PODXL: variants seen among roughly 807,000 people sequenced by gnomAD.
PODXL encodes podocalyxin like, also known as podocalyxin.
PODXL carries 20 observed loss-of-function variants against 48.9 expected under a neutral mutation model. The observed-to-expected ratio is 0.41, with a 90% CI of 0.29 to 0.59. The LOEUF is 0.59. PODXL is among the 20% of genes least tolerant of loss of function. PODXL has a pLI of 0.31. For synonymous variants in PODXL, 295 were observed against 287.4 expected (o/e 1.03, Z -0.27); for missense variants, 606 against 675.1 (o/e 0.90, Z 1.13).
At chr7:131,531,630 G>C (rs1798281607) in intron 1 of PODXL, among the ~76,000 whole-genome samples, 1 of 152,208 alleles carries the variant, frequency 6.6e-6, no homozygotes, top group South Asian at 2.1e-4. Context: ...GTGTGCTTCT[G>C]ACACTCCCTG....
At position 131,524,377 on chromosome 7, in the gene PODXL, C is replaced by CAGAG. The variant is rs1451998492; in HGVS notation, c.101-12945_101-12944insCTCT. ...ACACACACACGCACACACACACACA[C>CAGAG]ACAGAGAGAGAGAGAGAGAGAGAGA... On this transcript the variant is annotated intron_variant, in intron 1 of 8. Transcript: ENST00000378555. 7.5e-3 allele frequency among the ~76,000 whole-genome samples: 180 copies of CAGAG among 24,062 alleles called. 1 individual carries two copies. Among genetic ancestry groups the CAGAG allele is most frequent in the African/African-American group, 0.021 (171 of 7,998 alleles). 15.8% of individuals were successfully genotyped at this position (24,062 alleles called of 152,430 possible).
Position 131,506,653 on chromosome 7 carries a change from T to C in PODXL, c.1175A>G (p.Gln392Arg), listed in dbSNP as rs1797808357. ...TGCCAGCCGTATGCCGCACTTATCT[T>C]GGGCCGGGTTGAAGGTGGCTTTGAC... Reference protein sequence around the residue: ...RAVKATFNPAQDKCGIRLASV... With the variant: ...RAVKATFNPARDKCGIRLASV... Residue 392 changes from glutamine to arginine, a missense_variant, in exon 6 of 9, where the codon CAA becomes CGA. Gln to Arg is a conservative substitution (Grantham distance 43). Transcript: ENST00000378555. 7 of 1,614,204 alleles carry C rather than the reference T, an allele frequency of 4.3e-6. No individual in the cohort carries two copies. Among genetic ancestry groups the C allele is most frequent in the Non-Finnish European group, 5.9e-6 (7 of 1,180,018 alleles).
Position 131,503,782 on chromosome 7 carries a change from C to G in PODXL, c.*529G>C. 6.3e-6 allele frequency: 1 copy of G among 159,572 alleles called. No individual in the cohort carries two copies. Among genetic ancestry groups the G allele is most frequent in the Non-Finnish European group, 1.4e-5 (1 of 72,970 alleles). 9.9% of individuals were successfully genotyped at this position (159,572 alleles called of 1,614,324 possible). On this transcript the variant is annotated 3_prime_UTR_variant, in exon 9 of 9. Coordinates refer to ENST00000378555, the MANE Select transcript of PODXL (RefSeq NM_001018111.3). ...AAGGAAAACTTGGGAGCTGGACTTT[C>G]AGGTCGTCAGATCCCACCGAGCCAG...
At chr7:131,531,861 C>T (rs559976068) in intron 1 of PODXL, among the ~76,000 whole-genome samples, 2 of 152,102 alleles carry the variant, frequency 1.3e-5, no homozygotes, top group African/African-American at 2.4e-5. Context: ...CCTGTAATCC[C>T]GCACTTTGGG....
chr7:131,527,980 C>T (rs531821226), intron 1 of PODXL, among the ~76,000 whole-genome samples: 135 of 150,652 alleles, frequency 9.0e-4, no homozygotes, highest in African/African-American at 3.1e-3. Flanking sequence ...CTCAGCTCAC[C>T]GCAACCTCTC....
At chr7:131,505,683 C>G (rs1797785417) in intron 8 of PODXL, among the ~76,000 whole-genome samples, 185 bp downstream of exon 8, 1 of 152,212 alleles carries the variant, frequency 6.6e-6, no homozygotes. Context: ...ACGCTCTGTC[C>G]TCTGCCACGC....
At chr7:131,526,029 G>A (rs536147088) in intron 1 of PODXL, among the ~76,000 whole-genome samples, 4 of 152,150 alleles carry the variant, frequency 2.6e-5, no homozygotes, top group Non-Finnish European at 4.4e-5. Flanking sequence ...AGAGCATCTG[G>A]AAGCAGTGAC....
At chr7:131,538,193 C>A (rs1260048244) in intron 1 of PODXL, among the ~76,000 whole-genome samples, 1 of 152,062 alleles carries the variant, frequency 6.6e-6, no homozygotes, top group South Asian at 2.1e-4. Flanking sequence ...GAGGATGACC[C>A]CCCTACCCCC....
chr7:131,533,534 G>A (rs1297787351), intron 1 of PODXL, among the ~76,000 whole-genome samples: 1 of 152,200 alleles, frequency 6.6e-6, no homozygotes, highest in Non-Finnish European at 1.5e-5. Context: ...GCGTGGAGAT[G>A]TCCCAGCGAT....
In PODXL at chr7:131,506,163, C is replaced by T. The variant is rs549758122; in HGVS notation, c.1311+97G>A. The T allele has an allele frequency of 6.0e-5, 93 of 1,547,598 alleles. No individual in the cohort carries two copies. In the South Asian group the frequency reaches 8.3e-4, roughly 14 times the overall value. ...CGCCGCCCTCTTCTACATGCAGGCA[C>T]ATGACGGGGTTCCTCCCCACAGAGA... On this transcript the variant is annotated intron_variant, in intron 7 of 8. Coordinates refer to ENST00000378555, the MANE Select transcript of PODXL (RefSeq NM_001018111.3).
chr7:131,524,379 C>CACACACACAGAGAGAGAGAG (rs746255906), intron 1 of PODXL, among the ~76,000 whole-genome samples: 12 of 104,108 alleles, frequency 1.2e-4, no homozygotes, highest in African/African-American at 3.1e-4. Flanking sequence ...CACACACACA[C>CACACACACAGAGAGAGAGAG]AGAGAGAGAG....
Position 131,510,980 on chromosome 7 carries a change from C to A in PODXL, c.554G>T (p.Ser185Ile), listed in dbSNP as rs1797902547. The change falls in exon 2 of 9, where the codon AGT (serine) becomes ATT (isoleucine). Residue 185 changes from serine to isoleucine, a missense_variant. Ser to Ile is a moderately radical substitution (Grantham distance 142). Coordinates refer to ENST00000378555, the MANE Select transcript of PODXL (RefSeq NM_001018111.3). ...AGTGGGTTGTCGGGGGCTAAGTGGA[C>A]TTGTAGGGTGAGGGGTCGTCAGATG... Reference protein sequence around the residue: ...AEHLTTPHPTSPLSPRQPTST... With the variant: ...AEHLTTPHPTIPLSPRQPTST... 1.2e-6 allele frequency: 2 copies of A among 1,613,946 alleles called. No homozygotes were observed. Among genetic ancestry groups the A allele is most frequent in the East Asian group, 4.5e-5 (2 of 44,882 alleles).
At position 131,518,976 on chromosome 7, in the gene PODXL, C is replaced by T. The variant is rs144646161; in HGVS notation, c.101-7543G>A. On this transcript the variant is annotated intron_variant, in intron 1 of 8. Transcript: ENST00000378555. ...AGACCTATCCCTGTGGGTCCCTCCACAGGCCTGCCTAACCTTCCAGGTCAC... is the reference window on the plus strand; with the variant it reads ...AGACCTATCCCTGTGGGTCCCTCCATAGGCCTGCCTAACCTTCCAGGTCAC... Among the ~76,000 whole-genome samples the T allele has an allele frequency of 6.4e-3, 982 of 152,328 alleles. 14 individuals carry two copies. The highest frequency in any genetic ancestry group is 0.022 in the African/African-American group (920 of 41,572).
intron 1 of PODXL, among the ~76,000 whole-genome samples, chr7:131,518,157 T>C (rs1798032259): frequency 6.6e-6 from 1 of 152,178 alleles, no homozygotes; most frequent in African/African-American, 2.4e-5. Context: ...TAGGGTCACC[T>C]GCACAGGTAC....
rs949195673 is a variant in PODXL, at chr7:131,511,206, C to T, written c.328G>A (p.Gly110Arg). Reference sequence around the variant, plus strand: ...GTAGTAGGGTTGCCTGAGCCGCCTCCTCTAGCCACGGTAGTGTTGACTGGG... The same window carrying T: ...GTAGTAGGGTTGCCTGAGCCGCCTCTTCTAGCCACGGTAGTGTTGACTGGG... The part of the protein sequence containing the change: ...SGPVNTTVAR[G>R]GGSGNPTTTI... The change falls in exon 2 of 9, where the codon GGA (glycine) becomes AGA (arginine). Residue 110 changes from glycine to arginine, a missense_variant. Physicochemically the swap from Gly to Arg is moderately radical, Grantham distance 125 (BLOSUM62 -2). Transcript: ENST00000378555. 2.5e-6 allele frequency: 4 copies of T among 1,613,930 alleles called. No homozygotes were observed. In the Admixed American group the frequency reaches 6.7e-5, roughly 27 times the overall value.
intron 1 of PODXL, among the ~76,000 whole-genome samples, chr7:131,526,805 G>A (rs763305446): frequency 7.1e-6 from 1 of 141,398 alleles, no homozygotes; most frequent in African/African-American, 2.7e-5. Flanking sequence ...GCGCGATCTC[G>A]GCTCACTATA....
chr7:131,508,963 T>C lies in PODXL; in HGVS notation c.1089A>G (p.Gly363=), dbSNP rs1428186068. 1.2e-6 allele frequency: 2 copies of C among 1,613,278 alleles called. No homozygotes were observed. The highest frequency in any genetic ancestry group is 8.5e-7 in the Non-Finnish European group (1 of 1,179,180). ...SEKQLVLNLT[G]NTLCAGGASD... ...GCAAGCTACTCACACAGAGGGTGTT[T>C]CCTGTGAGGTTCAGGACGAGCTGCT... Residue 363 remains glycine, a synonymous_variant, in exon 5 of 9, where the codon GGA becomes GGG. Coordinates refer to ENST00000378555, the MANE Select transcript of PODXL (RefSeq NM_001018111.3).
In PODXL at chr7:131,509,594, G is replaced by A. The variant is rs769588105; in HGVS notation, c.803-9C>T. 4 of 1,509,170 alleles carry A rather than the reference G, an allele frequency of 2.7e-6. No individual in the cohort carries two copies. The Admixed American group carries it at 8.5e-5, about 32-fold the overall frequency. 93.5% of individuals were successfully genotyped at this position (1,509,170 alleles called of 1,614,324 possible). On this transcript the variant is annotated splice_polypyrimidine_tract_variant and intron_variant, in intron 3 of 8. Coordinates refer to ENST00000378555, the MANE Select transcript of PODXL (RefSeq NM_001018111.3). Reference sequence around the variant, plus strand: ...CGAGATAACCGATGACGCTGTCATTGGGAAAACGAGGGTAATGAGAAAAGA... The same window carrying A: ...CGAGATAACCGATGACGCTGTCATTAGGAAAACGAGGGTAATGAGAAAAGA...
chr7:131,511,625 T>C (rs58421509), intron 1 of PODXL, among the ~76,000 whole-genome samples, 192 bp from the exon 2 acceptor site: 6,730 of 152,174 alleles, frequency 0.044, 256 homozygotes, highest in East Asian at 0.23. Flanking sequence ...TTTTTTTTCT[T>C]CTTCCTTTTT....
Sources: gnomAD v4.1 joint callset for allele counts (sites outside exome capture counted in the v4.1 genomes callset) on GRCh38, gnomAD v4.1.1 for gene constraint, MANE v1.5 for transcripts, NCBI Gene and HGNC (gene_info 2026-07-23, HGNC 2026-07-21) for gene names.